ZC3H18: variants seen among roughly 807,000 people sequenced by gnomAD.
ZC3H18 encodes zinc finger CCCH domain-containing protein 18.
In ZC3H18, 8 loss-of-function variants were observed where a neutral mutation model predicts 106.1. That is an observed-to-expected ratio of 0.08 (90% CI 0.04 to 0.14). The LOEUF (loss-of-function observed/expected upper bound fraction) is 0.14, where lower values mean the gene tolerates loss of function less well. ZC3H18 is among the 10% of genes least tolerant of loss of function. ZC3H18 has a pLI of 1.00. For missense variants in ZC3H18, 1,318 were observed against 1,278.4 expected (o/e 1.03, Z -0.47); for synonymous variants, 635 against 522.1 (o/e 1.22, Z -2.95).
chr16:88,586,835 G>A (rs1412451276), intron 3 of ZC3H18, 151 bp downstream of exon 3: 17 of 640,616 alleles, frequency 2.7e-5, no homozygotes, highest in Non-Finnish European at 2.2e-5. Context: ...TGGTGGTGGT[G>A]GTGGCAATAT....
Position 88,598,265 on chromosome 16 carries a change from C to T in ZC3H18, c.776C>T (p.Pro259Leu). Residue 259 changes from proline to leucine, a missense_variant, in exon 4 of 18, where the codon CCC (proline) becomes CTC (leucine). Physicochemically the swap from Pro to Leu is moderately conservative, Grantham distance 98. Transcript: ENST00000301011. ...GNYSLITKADPFPPNGAPPLG... is the reference protein window; with the variant it reads ...GNYSLITKADLFPPNGAPPLG... ...TACTCCCTAATCACCAAAGCCGACCCCTTCCCGCCTAATGGTGCCCCGCCT... is the reference window on the plus strand; with the variant it reads ...TACTCCCTAATCACCAAAGCCGACCTCTTCCCGCCTAATGGTGCCCCGCCT... 1.2e-6 allele frequency: 2 copies of T among 1,613,612 alleles called. No individual in the cohort carries two copies. The highest frequency in any genetic ancestry group is 1.7e-6 in the Non-Finnish European group (2 of 1,179,818).
intron 13 of ZC3H18, chr16:88,626,631 G>A (rs1403579416): frequency 6.6e-6 from 1 of 152,014 alleles, no homozygotes; most frequent in Non-Finnish European, 1.5e-5. Context: ...GGGATTATAG[G>A]CATGAGCCAC....
intron 8 of ZC3H18, among the ~76,000 whole-genome samples, chr16:88,617,205 G>T: frequency 6.6e-6 from 1 of 152,096 alleles, no homozygotes; most frequent in Non-Finnish European, 1.5e-5. Context: ...AAGCTGTTTG[G>T]CTCTGGGAGT....
At chr16:88,601,289 G>A (rs115127665) in intron 6 of ZC3H18, among the ~76,000 whole-genome samples, 4 of 152,344 alleles carry the variant, frequency 2.6e-5, no homozygotes, top group African/African-American at 9.6e-5. Flanking sequence ...GATCACCAGG[G>A]GTGTCTCCTG....
intron 6 of ZC3H18, among the ~76,000 whole-genome samples, chr16:88,602,965 C>T (rs1249485477): frequency 6.6e-6 from 1 of 151,590 alleles, no homozygotes; most frequent in Non-Finnish European, 1.5e-5. Flanking sequence ...ATTGTTGTTC[C>T]TTCTTTTTTT....
chr16:88,628,900 TG>T, intron 16 of ZC3H18, 46 bp downstream of exon 16: 1 of 1,605,120 alleles, frequency 6.2e-7, no homozygotes, highest in Non-Finnish European at 8.5e-7. Context: ...GACGGGAGCC[TG>T]GGGATGCGGA....
intron 6 of ZC3H18, among the ~76,000 whole-genome samples, chr16:88,604,351 CA>C (rs34989965): frequency 0.85 from 114,125 of 133,898 alleles, 48,123 homozygotes; most frequent in East Asian, 0.9. Flanking sequence ...ACTCTTTCTC[CA>C]AAAAAAAAAA....
Position 88,631,296 on chromosome 16 carries a change from A to T in ZC3H18, c.2859A>T (p.Ala953=). 1 of 1,579,068 alleles carries T rather than the reference A, an allele frequency of 6.3e-7. No individual in the cohort carries two copies. The highest frequency in any genetic ancestry group is 8.6e-7 in the Non-Finnish European group (1 of 1,162,568). ...AGCGGGCCAAGATCCCCGGGAAAGC[A>T]TAGGCCGTGCCCCGACCGGACTGGA... ...ARKRAKIPGK[A] Residue 953 remains alanine (A), a synonymous_variant, in exon 18 of 18, where the codon GCA becomes GCT. Coordinates refer to ENST00000301011, the MANE Select transcript of ZC3H18 (RefSeq NM_144604.4).
At chr16:88,573,378 C>T (rs1024376852) in intron 1 of ZC3H18, among the ~76,000 whole-genome samples, 21 of 152,140 alleles carry the variant, frequency 1.4e-4, no homozygotes, top group African/African-American at 5.1e-4. Flanking sequence ...AGTTTGCCAC[C>T]GGTGACTTAC....
At chr16:88,578,096 A>C (rs1459247488) in intron 2 of ZC3H18, among the ~76,000 whole-genome samples, 2 of 152,228 alleles carry the variant, frequency 1.3e-5, no homozygotes, top group Non-Finnish European at 2.9e-5. Flanking sequence ...GTTAACACTC[A>C]ACCAGAAACC....
chr16:88,606,337 G>A (rs1256653955), intron 6 of ZC3H18, among the ~76,000 whole-genome samples: 1 of 152,248 alleles, frequency 6.6e-6, no homozygotes, highest in African/African-American at 2.4e-5. Flanking sequence ...TCTCTAGAAC[G>A]CATGCTGCGG....
intron 11 of ZC3H18, 118 bp downstream of exon 11, chr16:88,624,180 G>T: frequency 7.1e-7 from 1 of 1,415,316 alleles, no homozygotes. Flanking sequence ...GATGCCTCAG[G>T]GGGCTGGCCC....
chr16:88,595,996 A>G (rs896594987), intron 3 of ZC3H18, among the ~76,000 whole-genome samples: 3 of 152,146 alleles, frequency 2.0e-5, no homozygotes, highest in Non-Finnish European at 4.4e-5. Context: ...AGTGTGTCCC[A>G]GCTAGACGTG....
intron 16 of ZC3H18, chr16:88,630,160 A>C: frequency 3.4e-6 from 1 of 294,314 alleles, no homozygotes. Flanking sequence ...CTTTACTGCC[A>C]TGTCTTTCTT....
intron 6 of ZC3H18, among the ~76,000 whole-genome samples, chr16:88,605,596 C>G (rs1157140244): frequency 6.6e-6 from 1 of 152,242 alleles, no homozygotes; most frequent in South Asian, 2.1e-4. Context: ...ACGATTTCAA[C>G]CTGAATTGTG....
Position 88,577,613 on chromosome 16 carries a change from A to G in ZC3H18, c.490A>G (p.Arg164Gly), listed in dbSNP as rs770862142. 3 of 1,613,900 alleles carry G rather than the reference A, an allele frequency of 1.9e-6. No individual in the cohort carries two copies. The highest frequency in any genetic ancestry group is 1.1e-5 in the South Asian group (1 of 91,078). ...TGAGGAGAAAGGCGAAGGCACTCCC[A>G]GGGAGGAGGGGAAGGCTGGTGTTCA... Reference protein sequence around the residue: ...DDEEKGEGTPREEGKAGVQSV... With the variant: ...DDEEKGEGTPGEEGKAGVQSV... Residue 164 changes from arginine (R) to glycine (G), a missense_variant, in exon 2 of 18, where the codon AGG (arginine) becomes GGG (glycine). Arg to Gly is a moderately radical substitution (Grantham distance 125). This residue lies in a region of ZC3H18 where 346 missense variants were observed against 269.0 expected (regional missense o/e 1.29). Coordinates refer to ENST00000301011, the MANE Select transcript of ZC3H18 (RefSeq NM_144604.4).
Position 88,631,284 on chromosome 16 carries a change from C to A in ZC3H18, c.2847C>A (p.Ile949=). ...EDAIARKRAK[I]PGKA ...CTATTGCACGCAAGCGGGCCAAGAT[C>A]CCCGGGAAAGCATAGGCCGTGCCCC... Residue 949 remains isoleucine, a synonymous_variant, in exon 18 of 18, where the codon ATC becomes ATA. Coordinates refer to ENST00000301011, the MANE Select transcript of ZC3H18 (RefSeq NM_144604.4). 1 of 1,589,760 alleles carries A rather than the reference C, an allele frequency of 6.3e-7. No homozygotes were observed. Among genetic ancestry groups the A allele is most frequent in the Non-Finnish European group, 8.6e-7 (1 of 1,168,440 alleles).
Position 88,577,202 on chromosome 16 carries a change from G to T in ZC3H18, c.79G>T (p.Asp27Tyr). Reference sequence around the variant, plus strand: ...GCAGCCACAGGGACTCTCGGACGATGACATTCTGAGGGACAGCGGGTCCGA... The same window carrying T: ...GCAGCCACAGGGACTCTCGGACGATTACATTCTGAGGGACAGCGGGTCCGA... ...EEQPQGLSDD[D>Y]ILRDSGSDQD... The change falls in exon 2 of 18, where the codon GAC becomes TAC. Residue 27 changes from aspartate to tyrosine, a missense_variant. By Grantham distance (160) the Asp-to-Tyr change is radical (BLOSUM62 -3). Coordinates refer to ENST00000301011, the MANE Select transcript of ZC3H18 (RefSeq NM_144604.4). The T allele has an allele frequency of 6.2e-7, 1 of 1,612,572 alleles. No individual in the cohort carries two copies. The highest frequency in any genetic ancestry group is 8.5e-7 in the Non-Finnish European group (1 of 1,179,160).
intron 1 of ZC3H18, 115 bp from the exon 2 acceptor site, chr16:88,576,994 AG>A: frequency 9.6e-7 from 1 of 1,046,858 alleles, no homozygotes; most frequent in Non-Finnish European, 1.4e-6. Flanking sequence ...GATTTGGGGC[AG>A]GGCCGTGTGG....
Sources: gnomAD v4.1 joint callset for allele counts (sites outside exome capture counted in the v4.1 genomes callset) on GRCh38, gnomAD v4.1.1 for gene constraint, gnomAD v4.1.1 regional missense constraint, MANE v1.5 for transcripts, NCBI Gene and HGNC (gene_info 2026-07-23, HGNC 2026-07-21) for gene names.